INTS8: variants seen among roughly 807,000 people sequenced by gnomAD.
INTS8 encodes integrator complex subunit 8, also known as protein kaonashi-1.
In INTS8, 47 loss-of-function variants were observed where a neutral mutation model predicts 138.9. The observed-to-expected ratio is 0.34, with a 90% CI of 0.27 to 0.43. The LOEUF (loss-of-function observed/expected upper bound fraction) is 0.43, where lower values mean the gene tolerates loss of function less well. Among genes scored for constraint, INTS8 ranks in the 20% least tolerant of loss-of-function variants. The probability of loss-of-function intolerance (pLI) is 1.00; values close to 1 mark genes in which losing one functional copy is unlikely to be tolerated. For missense variants in INTS8, 996 were observed against 1,173.0 expected (o/e 0.85, Z 2.20); for synonymous variants, 392 against 400.9 (o/e 0.98, Z 0.27).
At chr8:94,859,702 C>A in intron 16 of INTS8, 70 bp downstream of exon 16, 1 of 1,225,390 alleles carries the variant, frequency 8.2e-7, no homozygotes. Context: ...CTTTATACTA[C>A]TTTGGGAACT....
chr8:94,831,032 G>A (rs1487911452), intron 5 of INTS8, among the ~76,000 whole-genome samples: 5 of 152,142 alleles, frequency 3.3e-5, no homozygotes, highest in African/African-American at 9.7e-5. Context: ...TCCTGACCTC[G>A]TGATCTGCCC....
intron 15 of INTS8, 71 bp from the exon 16 acceptor site, chr8:94,859,440 G>A (rs1243733627): frequency 1.4e-6 from 2 of 1,454,140 alleles, no homozygotes; most frequent in African/African-American, 1.4e-5. Flanking sequence ...TGAAATCTGA[G>A]CAAGTATTTG....
intron 16 of INTS8, 180 bp downstream of exon 16, chr8:94,859,812 A>G (rs1815887371): frequency 1.1e-5 from 6 of 542,746 alleles, no homozygotes; most frequent in South Asian, 1.1e-4. Context: ...TTGTTCTAAT[A>G]TTTCTTTCTA....
chr8:94,860,579 CAAAA>C (rs58945163), intron 16 of INTS8, among the ~76,000 whole-genome samples: 39 of 39,454 alleles, frequency 9.9e-4, no homozygotes, highest in Non-Finnish European at 1.4e-3. Flanking sequence ...AACTCTACCT[CAAAA>C]AAAAAAAAAA....
intron 13 of INTS8, 28 bp from the exon 14 acceptor site, chr8:94,853,777 A>G (rs755740930): frequency 4.0e-6 from 5 of 1,235,778 alleles, no homozygotes; most frequent in Non-Finnish European, 6.0e-6. Flanking sequence ...ATGTGTGCAT[A>G]TATATATGTA....
At chr8:94,877,857 T>C (rs748792132) in intron 26 of INTS8, among the ~76,000 whole-genome samples, 1 of 152,206 alleles carries the variant, frequency 6.6e-6, no homozygotes, top group Non-Finnish European at 1.5e-5. Context: ...TTGAGTTTTG[T>C]GACATTTTTT....
intron 12 of INTS8, 117 bp downstream of exon 12, chr8:94,850,208 T>A: frequency 1.5e-6 from 1 of 685,436 alleles, no homozygotes. Context: ...TGTTGGTAAT[T>A]AATAGAAATT....
At chr8:94,827,098 CTG>C (rs1432600355) in intron 2 of INTS8, among the ~76,000 whole-genome samples, 163 bp from the exon 3 acceptor site, 2 of 152,060 alleles carry the variant, frequency 1.3e-5, no homozygotes, top group Non-Finnish European at 2.9e-5. Context: ...GAGCGAGACT[CTG>C]TCTCAAAAAA....
chr8:94,856,991 C>A lies in INTS8; in HGVS notation c.1954+13C>A. On this transcript the variant is annotated intron_variant, in intron 15 of 26. Transcript: ENST00000523731. Reference sequence around the variant, plus strand: ...ATGAGGCTTCCTGGTAAGACTGGTTCACAAAGACAAATTTCAGAAACTCAG... The same window carrying A: ...ATGAGGCTTCCTGGTAAGACTGGTTAACAAAGACAAATTTCAGAAACTCAG... 3 of 1,595,536 alleles carry A rather than the reference C, an allele frequency of 1.9e-6. No individual in the cohort carries two copies. Among genetic ancestry groups the A allele is most frequent in the Non-Finnish European group, 2.6e-6 (3 of 1,166,792 alleles).
chr8:94,866,902 C>T (rs1034275416), intron 18 of INTS8: 5 of 430,678 alleles, frequency 1.2e-5, no homozygotes, highest in African/African-American at 1.0e-4. Flanking sequence ...GTGGAGATAG[C>T]ACCATAAGCC....
At chr8:94,843,790 A>G (rs1815226867) in intron 10 of INTS8, among the ~76,000 whole-genome samples, 1 of 152,184 alleles carries the variant, frequency 6.6e-6, no homozygotes, top group South Asian at 2.1e-4. Flanking sequence ...TATCTGCAAC[A>G]TTAATTTTTA....
At position 94,881,025 on chromosome 8, in the gene INTS8, T is replaced by G. The variant is rs183676809; in HGVS notation, c.*791T>G. 7.8e-5 allele frequency: 31 copies of G among 398,560 alleles called. No individual in the cohort carries two copies. Among genetic ancestry groups the G allele is most frequent in the African/African-American group, 5.8e-4 (28 of 48,634 alleles). The allele number at this position is 398,560 out of a possible 1,614,324, so 24.7% of individuals were successfully genotyped here. On this transcript the variant is annotated 3_prime_UTR_variant, in exon 27 of 27. Transcript: ENST00000523731. ...GCCTTATTAGTTAAAAAATGTGTTA[T>G]GGCAAGGCAAATAAACTAGTTTAAA...
intron 13 of INTS8, among the ~76,000 whole-genome samples, chr8:94,853,445 A>ATTC (rs1815626173): frequency 6.6e-6 from 1 of 152,196 alleles, no homozygotes; most frequent in Non-Finnish European, 1.5e-5. Context: ...ATAATCTTGA[A>ATTC]CAAGTTATTT....
chr8:94,869,038 A>G (rs1586523803), intron 20 of INTS8, among the ~76,000 whole-genome samples: 2 of 145,718 alleles, frequency 1.4e-5, no homozygotes, highest in South Asian at 4.3e-4. Flanking sequence ...GCTGGAGTGC[A>G]GTGGCGCAAT....
intron 20 of INTS8, among the ~76,000 whole-genome samples, chr8:94,868,241 A>G (rs56826530): frequency 0.14 from 20,595 of 152,124 alleles, 1,621 homozygotes; most frequent in African/African-American, 0.21. Context: ...CATGTAGGGG[A>G]ATCAACTTGT....
chr8:94,841,676 C>T (rs1815138504), intron 9 of INTS8, 85 bp downstream of exon 9: 1 of 731,686 alleles, frequency 1.4e-6, no homozygotes, highest in African/African-American at 1.8e-5. Flanking sequence ...TTTCAAATTT[C>T]CTATGGCTCT....
At position 94,827,774 on chromosome 8, in the gene INTS8, G is replaced by A. The variant is rs758426501; in HGVS notation, c.499G>A (p.Gly167Arg). Residue 167 changes from glycine to arginine, a missense_variant, in exon 4 of 27, where the codon GGA (glycine) becomes AGA (arginine). Transcript: ENST00000523731. ...SSFPVKQAKP[G>R]PPQLSVMNQM... ...TTTTCCAGTCAAACAGGCAAAACCCGGACCCCCTCAGTTAAGTGTGTAAGT... is the reference window on the plus strand; with the variant it reads ...TTTTCCAGTCAAACAGGCAAAACCCAGACCCCCTCAGTTAAGTGTGTAAGT... 14 of 1,613,850 alleles carry A rather than the reference G, an allele frequency of 8.7e-6. No individual in the cohort carries two copies. The highest frequency in any genetic ancestry group is 2.2e-5 in the South Asian group (2 of 91,082).
rs142729309 is a variant in INTS8, at chr8:94,849,969, A to G, written c.1385A>G (p.His462Arg). ...CAGTATGTTTTCATGATTTCTTCAC[A>G]TGAGCTTTTCATTACATTGTTGAAA... ...DLQYVFMISS[H>R]ELFITLLKDE... The change falls in exon 12 of 27, where the codon CAT becomes CGT. Residue 462 changes from histidine (H) to arginine (R), a missense_variant. His to Arg is a conservative substitution (Grantham distance 29). Transcript: ENST00000523731. The G allele has an allele frequency of 7.0e-5, 113 of 1,613,030 alleles. No homozygotes were observed. The highest frequency in any genetic ancestry group is 8.6e-5 in the Non-Finnish European group (101 of 1,179,362).
intron 10 of INTS8, among the ~76,000 whole-genome samples, chr8:94,846,323 G>A (rs1467745652): frequency 6.6e-6 from 1 of 152,160 alleles, no homozygotes; most frequent in African/African-American, 2.4e-5. Context: ...TGCCCAGGCT[G>A]CAGTGCAATG....
Sources: gnomAD v4.1 joint callset for allele counts (sites outside exome capture counted in the v4.1 genomes callset) on GRCh38, gnomAD v4.1.1 for gene constraint, MANE v1.5 for transcripts, NCBI Gene and HGNC (gene_info 2026-07-23, HGNC 2026-07-21) for gene names.